Variants in VWA8 observed in about 807,000 individuals in gnomAD.
VWA8 encodes the protein von Willebrand factor A domain-containing protein 8.
In VWA8, 221 loss-of-function variants were observed where a neutral mutation model predicts 241.5. The ratio of observed to expected loss-of-function variants is 0.91; its 90% confidence interval spans 0.82 to 1.02. VWA8 has a LOEUF of 1.02. Ranked by LOEUF, VWA8 falls within the 50% of genes least tolerant of loss-of-function variation. VWA8 has a pLI of 0.00. For synonymous variants in VWA8, 852 were observed against 827.1 expected (o/e 1.03, Z -0.52); for missense variants, 2,322 against 2,328.7 (o/e 1.00, Z 0.06).
chr13:41,836,658 T>C (rs994408309), intron 12 of VWA8, among the ~76,000 whole-genome samples: 3 of 152,190 alleles, frequency 2.0e-5, no homozygotes, highest in Admixed American at 6.5e-5. Flanking sequence ...ACAGGATGTG[T>C]ACAGTACTTA....
chr13:41,631,745 T>C (rs1328433838), intron 37 of VWA8, among the ~76,000 whole-genome samples: 1 of 152,238 alleles, frequency 6.6e-6, no homozygotes, highest in Non-Finnish European at 1.5e-5. Flanking sequence ...ATTAAGATGC[T>C]ATACTTATAA....
At chr13:41,809,824 A>G (rs1870385099) in intron 17 of VWA8, among the ~76,000 whole-genome samples, 1 of 152,208 alleles carries the variant, frequency 6.6e-6, no homozygotes, top group East Asian at 1.9e-4. Context: ...GACAACCCAC[A>G]GAATGGGAAA....
intron 21 of VWA8, among the ~76,000 whole-genome samples, chr13:41,743,081 TGATACCTG>T (rs552982594): frequency 5.3e-5 from 8 of 152,218 alleles, no homozygotes; most frequent in Non-Finnish European, 1.0e-4. Context: ...ATATGGTATG[TGATACCTG>T]GGAACCACAG....
At chr13:41,931,958 A>G (rs2138141633) in intron 2 of VWA8, among the ~76,000 whole-genome samples, 1 of 152,246 alleles carries the variant, frequency 6.6e-6, no homozygotes, top group East Asian at 1.9e-4. Flanking sequence ...AATATTCATC[A>G]TAGCTTAAAA....
chr13:41,870,856 A>G (rs1873566959), intron 9 of VWA8, among the ~76,000 whole-genome samples: 1 of 152,160 alleles, frequency 6.6e-6, no homozygotes, highest in African/African-American at 2.4e-5. Context: ...AAGCTAAAAT[A>G]TTTTAGTAAA....
chr13:41,703,424 ATT>A lies in VWA8; in HGVS notation c.3117-15_3117-14del. ...TGGCAGAGTCAACCTGTTAAGGATG[ATT>A]TGCAAAGTAAATATTTCTTATTGTA... is the stretch of plus-strand genomic sequence containing the variant. On this transcript the variant is annotated splice_polypyrimidine_tract_variant and intron_variant, in intron 26 of 44. Transcript: ENST00000379310. 1 of 1,611,156 alleles carries A rather than the reference ATT, an allele frequency of 6.2e-7. No homozygotes were observed. Among genetic ancestry groups the A allele is most frequent in the South Asian group, 1.1e-5 (1 of 90,910 alleles).
intron 37 of VWA8, among the ~76,000 whole-genome samples, chr13:41,632,080 A>T (rs1263785402): frequency 6.6e-6 from 1 of 152,200 alleles, no homozygotes; most frequent in Non-Finnish European, 1.5e-5. Context: ...CTCCATAGCC[A>T]AGGAAGAAGT....
chr13:41,571,323 CTCCCGTCTCCCT>C (rs1566370854), intron 43 of VWA8, among the ~76,000 whole-genome samples: 1 of 109,824 alleles, frequency 9.1e-6, no homozygotes, highest in Admixed American at 1.1e-4. Flanking sequence ...CCCTCTCCCT[CTCCCGTCTCCCT>C]CTCCCTCTCC....
chr13:41,759,134 C>T (rs562308591), intron 21 of VWA8, among the ~76,000 whole-genome samples: 1 of 151,632 alleles, frequency 6.6e-6, no homozygotes, highest in African/African-American at 2.4e-5. Context: ...TTGCATTACA[C>T]AGGTCTGCTG....
chr13:41,711,942 C>CT (rs58734034), intron 26 of VWA8, among the ~76,000 whole-genome samples: 34,091 of 146,170 alleles, frequency 0.23, 3,834 homozygotes, highest in Middle Eastern at 0.28. Context: ...AATGCAAACA[C>CT]TTTTTTTTTT....
intron 21 of VWA8, among the ~76,000 whole-genome samples, chr13:41,737,145 CA>C (rs2045532032): frequency 6.6e-6 from 1 of 152,146 alleles, no homozygotes; most frequent in African/African-American, 2.4e-5. Flanking sequence ...ACATTTCAAA[CA>C]GAAGTTTAAT....
intron 43 of VWA8, among the ~76,000 whole-genome samples, chr13:41,571,498 G>C (rs981587016): frequency 6.6e-6 from 1 of 152,116 alleles, no homozygotes; most frequent in Non-Finnish European, 1.5e-5. Context: ...GCAGGTGCCC[G>C]CCGCCACACC....
chr13:41,762,285 G>A (rs948530334), intron 20 of VWA8, among the ~76,000 whole-genome samples: 2 of 152,068 alleles, frequency 1.3e-5, no homozygotes, highest in South Asian at 2.1e-4. Flanking sequence ...ATTTTCATGG[G>A]TTATTTCATT....
At chr13:41,881,292 T>C (rs1269463046) in intron 9 of VWA8, among the ~76,000 whole-genome samples, 1 of 142,898 alleles carries the variant, frequency 7.0e-6, no homozygotes, top group East Asian at 2.1e-4. Context: ...CTAATCCTTT[T>C]AGAGAGCATG....
chr13:41,928,856 CA>C (rs1876971233), intron 2 of VWA8, among the ~76,000 whole-genome samples: 1 of 150,528 alleles, frequency 6.6e-6, no homozygotes, highest in Admixed American at 6.6e-5. Flanking sequence ...AGAGAAGACT[CA>C]AATAAATAAA....
chr13:41,933,796 T>C (rs1353090233), intron 2 of VWA8, among the ~76,000 whole-genome samples: 1 of 151,842 alleles, frequency 6.6e-6, no homozygotes. Context: ...CTATGCCACA[T>C]ACAAGAATTA....
intron 20 of VWA8, among the ~76,000 whole-genome samples, chr13:41,776,171 C>T (rs993262402): frequency 2.7e-4 from 41 of 152,336 alleles, no homozygotes; most frequent in African/African-American, 9.6e-4. Flanking sequence ...CTATTCTCTT[C>T]TCCATGCTGG....
In VWA8 at chr13:41,690,252, G is replaced by A. The variant is rs757160807; in HGVS notation, c.3890C>T (p.Ala1297Val). The A allele has an allele frequency of 1.9e-6, 3 of 1,611,030 alleles. No individual in the cohort carries two copies. In the South Asian group the frequency reaches 3.3e-5, roughly 18 times the overall value. Reference protein sequence around the residue: ...TNQKYLLTKPAHIESEGSGVC... With the variant: ...TNQKYLLTKPVHIESEGSGVC... ...CCCACTACCCTCAGATTCGATGTGT[G>A]CAGGCTTAGTTAAAAGATATTTCCT... The change falls in exon 33 of 45, where the codon GCA (alanine) becomes GTA (valine). Residue 1297 changes from alanine to valine, a missense_variant. Ala to Val is a moderately conservative substitution (Grantham distance 64). Transcript: ENST00000379310.
chr13:41,665,171 G>C (rs141855901), intron 37 of VWA8, among the ~76,000 whole-genome samples: 1 of 152,016 alleles, frequency 6.6e-6, no homozygotes, highest in East Asian at 1.9e-4. Context: ...ATTTAAATTT[G>C]GCTTTGTCTC....
Sources: gnomAD v4.1 joint callset for allele counts (sites outside exome capture counted in the v4.1 genomes callset) on GRCh38, gnomAD v4.1.1 for gene constraint, MANE v1.5 for transcripts, NCBI Gene and HGNC (gene_info 2026-07-23, HGNC 2026-07-21) for gene names.